FNBP1L: variants seen among roughly 807,000 people sequenced by gnomAD.
FNBP1L encodes the protein formin-binding protein 1-like.
A neutral mutation model predicts 91.2 loss-of-function variants in FNBP1L; 36 were observed. The ratio of observed to expected loss-of-function variants is 0.39; its 90% confidence interval spans 0.30 to 0.52. The LOEUF is 0.52. Among genes scored for constraint, FNBP1L ranks in the 20% least tolerant of loss-of-function variants. The pLI, the probability that FNBP1L is intolerant of heterozygous loss-of-function variation, is 0.66. For synonymous variants in FNBP1L, 242 were observed against 237.0 expected (o/e 1.02, Z -0.19); for missense variants, 571 against 732.1 (o/e 0.78, Z 2.54).
chr1:93,528,662 G>C (rs973662323), intron 5 of FNBP1L, among the ~76,000 whole-genome samples: 1 of 152,092 alleles, frequency 6.6e-6, no homozygotes, highest in Non-Finnish European at 1.5e-5. Flanking sequence ...ACAGGTTGAT[G>C]GGGGAGGGAA....
intron 1 of FNBP1L, among the ~76,000 whole-genome samples, chr1:93,478,791 T>G (rs902210163): frequency 1.3e-5 from 2 of 152,198 alleles, no homozygotes; most frequent in African/African-American, 4.8e-5. Context: ...AGATTGGAAT[T>G]GGAGATATTG....
At chr1:93,472,381 A>AT (rs1445340170) in intron 1 of FNBP1L, among the ~76,000 whole-genome samples, 1 of 152,142 alleles carries the variant, frequency 6.6e-6, no homozygotes, top group Non-Finnish European at 1.5e-5. Flanking sequence ...AAACTACTTC[A>AT]TAGTAAGTGG....
intron 1 of FNBP1L, among the ~76,000 whole-genome samples, chr1:93,483,917 A>T (rs978496239): frequency 1.3e-5 from 2 of 152,294 alleles, no homozygotes; most frequent in East Asian, 3.9e-4. Context: ...GCTGTTTCTT[A>T]ACTCTGTTAC....
chr1:93,519,350 C>G (rs577048447), intron 2 of FNBP1L, among the ~76,000 whole-genome samples: 2 of 152,324 alleles, frequency 1.3e-5, no homozygotes, highest in African/African-American at 4.8e-5. Flanking sequence ...TGTCTTTGCT[C>G]ATTAGATCTT....
chr1:93,465,886 G>A (rs1397414569), intron 1 of FNBP1L, among the ~76,000 whole-genome samples: 1 of 152,166 alleles, frequency 6.6e-6, no homozygotes, highest in African/African-American at 2.4e-5. Context: ...ACTTTTTAAT[G>A]ATTGCCGTTC....
chr1:93,545,932 TTA>T (rs1672211198), intron 12 of FNBP1L, among the ~76,000 whole-genome samples: 1 of 152,126 alleles, frequency 6.6e-6, no homozygotes, highest in Admixed American at 6.6e-5. Flanking sequence ...AAGATTTTGT[TTA>T]TGTTGATTTT....
intron 1 of FNBP1L, among the ~76,000 whole-genome samples, chr1:93,464,245 G>C (rs1668998533): frequency 1.3e-5 from 2 of 152,082 alleles, no homozygotes; most frequent in Non-Finnish European, 2.9e-5. Flanking sequence ...TTGAAAGTAG[G>C]GTTTTGAACA....
chr1:93,481,402 AGTATTAAC>A (rs1163558107), intron 1 of FNBP1L, among the ~76,000 whole-genome samples: 51 of 152,346 alleles, frequency 3.3e-4, no homozygotes, highest in African/African-American at 1.1e-3. Context: ...GTAACTACTT[AGTATTAAC>A]ACCATAAGAA....
In FNBP1L at chr1:93,546,944, C is replaced by T; in HGVS notation, c.1377C>T (p.Asp459=). Residue 459 remains aspartate, a synonymous_variant, in exon 13 of 17, where the codon GAC becomes GAT. Transcript: ENST00000271234. ...PKLAETMNNI[D]RLRMEIHKNE... ...TAGCAGAGACCATGAATAACATTGACCGCCTACGAATGGAAATCCATAAGA... is the reference window on the plus strand; with the variant it reads ...TAGCAGAGACCATGAATAACATTGATCGCCTACGAATGGAAATCCATAAGA... 6.2e-7 allele frequency: 1 copy of T among 1,612,332 alleles called. No homozygotes were observed. Among genetic ancestry groups the T allele is most frequent in the Non-Finnish European group, 8.5e-7 (1 of 1,179,234 alleles).
intron 1 of FNBP1L, among the ~76,000 whole-genome samples, chr1:93,462,923 T>C (rs1459471873): frequency 6.6e-6 from 1 of 152,174 alleles, no homozygotes; most frequent in African/African-American, 2.4e-5. Flanking sequence ...ATAAAGTATC[T>C]ACATAATTTA....
intron 2 of FNBP1L, among the ~76,000 whole-genome samples, chr1:93,521,522 T>C (rs1671327914): frequency 6.6e-6 from 1 of 152,208 alleles, no homozygotes; most frequent in African/African-American, 2.4e-5. Context: ...AATCCAAAGA[T>C]GCTCTCAGTC....
intron 2 of FNBP1L, among the ~76,000 whole-genome samples, chr1:93,520,906 G>T (rs1671297629): frequency 6.6e-6 from 1 of 152,112 alleles, no homozygotes; most frequent in African/African-American, 2.4e-5. Flanking sequence ...GCTGGGTGTG[G>T]TGGCATGCAC....
chr1:93,510,438 C>T (rs1420796237), intron 2 of FNBP1L, among the ~76,000 whole-genome samples: 1 of 151,924 alleles, frequency 6.6e-6, no homozygotes, highest in Non-Finnish European at 1.5e-5. Context: ...AAAGGACATC[C>T]ACACCAAAAA....
At chr1:93,449,634 T>G in intron 1 of FNBP1L, among the ~76,000 whole-genome samples, 1 of 152,204 alleles carries the variant, frequency 6.6e-6, no homozygotes, top group Non-Finnish European at 1.5e-5. Flanking sequence ...CAACATTCTG[T>G]ACAAGTGCTT....
rs1390734786 is a variant in FNBP1L at position 93,549,393 on chromosome 1, A to G, written c.1618A>G (p.Ile540Val). Residue 540 changes from isoleucine to valine, a missense_variant, in exon 15 of 17, where the codon ATT (isoleucine) becomes GTT (valine). Physicochemically the swap from Ile to Val is conservative, Grantham distance 29. Transcript: ENST00000271234. Reference protein sequence around the residue: ...EFEDDDPLPAIGHCKAIYPFD... With the variant: ...EFEDDDPLPAVGHCKAIYPFD... Reference sequence around the variant, plus strand: ...TGAGGATGATGATCCCTTGCCTGCTATTGGACACTGCAAAGCTATCTACCC... The same window carrying G: ...TGAGGATGATGATCCCTTGCCTGCTGTTGGACACTGCAAAGCTATCTACCC... 1.9e-6 allele frequency: 3 copies of G among 1,609,636 alleles called. No individual in the cohort carries two copies. The highest frequency in any genetic ancestry group is 3.4e-5 in the Admixed American group (2 of 58,866).
chr1:93,448,914 C>T (rs181835099), intron 1 of FNBP1L, among the ~76,000 whole-genome samples: 3 of 152,296 alleles, frequency 2.0e-5, no homozygotes, highest in Admixed American at 2.0e-4. Context: ...TCTCTCCCTG[C>T]CTCAGTGCTT....
intron 1 of FNBP1L, among the ~76,000 whole-genome samples, chr1:93,463,307 G>C (rs557847613): frequency 6.6e-6 from 1 of 152,228 alleles, no homozygotes; most frequent in African/African-American, 2.4e-5. Context: ...AAACAGATCT[G>C]GGTGCTGGGT....
At chr1:93,474,185 G>T (rs1219788014) in intron 1 of FNBP1L, among the ~76,000 whole-genome samples, 1 of 152,196 alleles carries the variant, frequency 6.6e-6, no homozygotes, top group Non-Finnish European at 1.5e-5. Flanking sequence ...GGAGGTTGCA[G>T]TGAGCTGAGA....
chr1:93,483,299 G>A (rs1216297291), intron 1 of FNBP1L, among the ~76,000 whole-genome samples: 1 of 151,918 alleles, frequency 6.6e-6, no homozygotes, highest in African/African-American at 2.4e-5. Context: ...AATATGAAAA[G>A]GACAAAATTT....
Sources: gnomAD v4.1 joint callset for allele counts (sites outside exome capture counted in the v4.1 genomes callset) on GRCh38, gnomAD v4.1.1 for gene constraint, MANE v1.5 for transcripts, NCBI Gene and HGNC (gene_info 2026-07-23, HGNC 2026-07-21) for gene names.